The following GMEB1 variants were observed in gnomAD, a reference collection of about 807,000 sequenced individuals.
GMEB1 encodes glucocorticoid modulatory element-binding protein 1.
GMEB1 carries 6 observed loss-of-function variants against 52.4 expected under a neutral mutation model. The observed-to-expected ratio is 0.11, with a 90% confidence interval of 0.06 to 0.23. The LOEUF (loss-of-function observed/expected upper bound fraction) is 0.23. Among genes scored for constraint, GMEB1 ranks in the 10% least tolerant of loss-of-function variants. The pLI is 1.00. For missense variants in GMEB1, 486 were observed against 685.6 expected (o/e 0.71, Z 3.25); for synonymous variants, 255 against 244.9 (o/e 1.04, Z -0.38).
At position 28,703,317 on chromosome 1, in the gene GMEB1, TTTA is replaced by T. The variant is rs575365568; in HGVS notation, c.730+754_730+756del. 3.0e-3 allele frequency among the ~76,000 whole-genome samples: 454 copies of T among 152,318 alleles called. 1 individual carries two copies. The highest frequency in any genetic ancestry group is 0.01 in the African/African-American group (429 of 41,574). On this transcript the variant is annotated intron_variant, in intron 7 of 9. Coordinates refer to ENST00000373816, the MANE Select transcript of GMEB1 (RefSeq NM_001319674.2). The stretch of plus-strand genomic sequence containing the variant: ...CAATTATTTATTCATTTAATAGGTA[TTTA>T]TTATTGCCTATTTTTAGTTGGCACT...
intron 5 of GMEB1, among the ~76,000 whole-genome samples, chr1:28,696,298 T>G (rs1018208368): frequency 2.0e-5 from 3 of 151,882 alleles, no homozygotes; most frequent in African/African-American, 7.3e-5. Flanking sequence ...AACTCCTGAG[T>G]TCAAGTGATC....
chr1:28,696,893 G>T, intron 5 of GMEB1, 34 bp from the exon 6 acceptor site: 1 of 1,554,676 alleles, frequency 6.4e-7, no homozygotes, highest in Non-Finnish European at 8.8e-7. Flanking sequence ...TGAAGTATAG[G>T]CTGAACTGGT....
At chr1:28,696,795 A>T (rs1203647256) in intron 5 of GMEB1, 132 bp from the exon 6 acceptor site, 1 of 592,448 alleles carries the variant, frequency 1.7e-6, no homozygotes, top group Non-Finnish European at 2.8e-6. Flanking sequence ...CAACCTAATG[A>T]CTTCTAACAC....
At chr1:28,673,161 T>G (rs1232484060) in intron 1 of GMEB1, among the ~76,000 whole-genome samples, 4 of 152,220 alleles carry the variant, frequency 2.6e-5, no homozygotes, top group Non-Finnish European at 5.9e-5. Flanking sequence ...CCCGAAGTGC[T>G]GGGATTACAG....
chr1:28,685,701 C>T (rs979300776), intron 2 of GMEB1, among the ~76,000 whole-genome samples: 8 of 152,138 alleles, frequency 5.3e-5, no homozygotes, highest in African/African-American at 1.7e-4. Context: ...TGGCTCACAC[C>T]TGTAATCTCA....
At chr1:28,694,178 G>T (rs1166054811) in intron 5 of GMEB1, among the ~76,000 whole-genome samples, 1 of 151,204 alleles carries the variant, frequency 6.6e-6, no homozygotes, top group African/African-American at 2.4e-5. Context: ...GACATGGTCT[G>T]TGTGTTGTAG....
At chr1:28,687,122 G>A (rs1485537446) in intron 2 of GMEB1, among the ~76,000 whole-genome samples, 2 of 151,676 alleles carry the variant, frequency 1.3e-5, no homozygotes, top group Admixed American at 1.3e-4. Flanking sequence ...GATCACTTGA[G>A]TCCAGGAGTT....
intron 8 of GMEB1, 117 bp downstream of exon 8, chr1:28,704,446 A>T (rs899911869): frequency 6.7e-6 from 5 of 748,826 alleles, no homozygotes; most frequent in Admixed American, 3.3e-5. Flanking sequence ...AATTTTACAG[A>T]TAAGGAAACT....
intron 1 of GMEB1, 144 bp downstream of exon 1, chr1:28,668,983 C>T (rs1423286318): frequency 7.1e-6 from 1 of 141,576 alleles, no homozygotes; most frequent in Non-Finnish European, 1.6e-5. Flanking sequence ...CTCCCCACGC[C>T]CTGTGCGTGC....
chr1:28,714,632 C>G lies in GMEB1; in HGVS notation c.1551C>G (p.Ala517=). The change falls in exon 10 of 10, where the codon GCC becomes GCG. Residue 517 remains alanine (A), a synonymous_variant. Transcript: ENST00000373816. ...DGQTIIEIDP[A]PDPEAEDTEG... is the part of the protein sequence containing the mutation. The stretch of plus-strand genomic sequence containing the variant: ...AGACCATCATTGAGATTGATCCAGC[C>G]CCGGACCCAGAAGCTGAAGATACTG... 1.2e-6 allele frequency: 2 copies of G among 1,614,036 alleles called. No individual in the cohort carries two copies. Among genetic ancestry groups the G allele is most frequent in the Non-Finnish European group, 1.7e-6 (2 of 1,180,014 alleles).
In GMEB1 at chr1:28,687,387, C is replaced by CACACAA. The variant is rs1553136455; in HGVS notation, c.129-2716_129-2715insCACAAA. Among the ~76,000 whole-genome samples, 13 of 41,130 alleles carry CACACAA rather than the reference C, an allele frequency of 3.2e-4. 3 individuals are homozygous for CACACAA. The highest frequency in any genetic ancestry group is 4.4e-4 in the Non-Finnish European group (10 of 22,654). 27.0% of individuals were successfully genotyped at this position (41,130 alleles called of 152,430 possible). ...ACACACACACACACACACACACACA[C>CACACAA]AAAAAAAGACAGTGGAGAATAATGT... On this transcript the variant is annotated intron_variant, in intron 2 of 9. Coordinates refer to ENST00000373816, the MANE Select transcript of GMEB1 (RefSeq NM_001319674.2).
At chr1:28,672,330 C>T (rs1326772937) in intron 1 of GMEB1, among the ~76,000 whole-genome samples, 2 of 150,212 alleles carry the variant, frequency 1.3e-5, no homozygotes, top group Non-Finnish European at 3.0e-5. Flanking sequence ...ACGCCATTCT[C>T]CTCCTCAGCC....
At chr1:28,685,452 ACT>A (rs1161495393) in intron 2 of GMEB1, among the ~76,000 whole-genome samples, 4 of 152,110 alleles carry the variant, frequency 2.6e-5, no homozygotes, top group Middle Eastern at 3.4e-3. Flanking sequence ...ACAGAGCAAG[ACT>A]CTGTCTCAAA....
intron 1 of GMEB1, among the ~76,000 whole-genome samples, chr1:28,681,844 A>G (rs1669404790): frequency 6.6e-6 from 1 of 152,008 alleles, no homozygotes; most frequent in African/African-American, 2.4e-5. Flanking sequence ...CTCAGATTAC[A>G]GGCATGTACC....
chr1:28,684,373 C>T (rs1432949199), intron 2 of GMEB1, among the ~76,000 whole-genome samples: 6 of 151,870 alleles, frequency 4.0e-5, no homozygotes, highest in Non-Finnish European at 7.4e-5. Context: ...ACCATCCTGG[C>T]TAACATGGTG....
At chr1:28,687,978 G>T (rs1049892196) in intron 2 of GMEB1, among the ~76,000 whole-genome samples, 8 of 152,132 alleles carry the variant, frequency 5.3e-5, no homozygotes, top group African/African-American at 1.9e-4. Flanking sequence ...ACAAAGTCCT[G>T]TGGGACTTCC....
At chr1:28,706,628 A>G (rs370421259) in intron 8 of GMEB1, among the ~76,000 whole-genome samples, 6 of 151,286 alleles carry the variant, frequency 4.0e-5, no homozygotes, top group African/African-American at 7.3e-5. Context: ...TGGGATTATG[A>G]TGAGATGAGA....
intron 5 of GMEB1, among the ~76,000 whole-genome samples, 184 bp from the exon 6 acceptor site, chr1:28,696,743 G>C (rs565427009): frequency 6.6e-6 from 1 of 152,060 alleles, no homozygotes; most frequent in African/African-American, 2.4e-5. Context: ...GGTAAATGTG[G>C]GCAGGACCAG....
At chr1:28,698,447 G>A (rs537879406) in intron 6 of GMEB1, among the ~76,000 whole-genome samples, 109 of 150,214 alleles carry the variant, frequency 7.3e-4, no homozygotes, top group African/African-American at 2.3e-3. Context: ...AGGCCAAAGC[G>A]GGCAGATCTC....
Sources: gnomAD v4.1 joint callset for allele counts (sites outside exome capture counted in the v4.1 genomes callset) on GRCh38, gnomAD v4.1.1 for gene constraint, MANE v1.5 for transcripts, NCBI Gene and HGNC (gene_info 2026-07-23, HGNC 2026-07-21) for gene names.